The following UGT1A10 variants were observed in gnomAD, a reference collection of about 807,000 sequenced individuals.
UGT1A10 encodes the protein UDP-glucuronosyltransferase 1A10.
In UGT1A10, 49 loss-of-function variants were observed where a neutral mutation model predicts 45.8. The ratio of observed to expected loss-of-function variants is 1.07; its 90% CI spans 0.85 to 1.36. The LOEUF is 1.36. Among genes scored for constraint, UGT1A10 ranks in the 40% most tolerant of loss-of-function variants. UGT1A10 has a pLI of 0.00. For missense variants in UGT1A10, 745 were observed against 668.6 expected (o/e 1.11, Z -1.26); for synonymous variants, 284 against 249.7 (o/e 1.14, Z -1.29).
Position 233,648,991 on chromosome 2 carries a change from G to A in UGT1A10, c.855+11614G>A, listed in dbSNP as rs981596980. Reference sequence around the variant, plus strand: ...GATGCCCAATATGATCTTCATTGGTGGTATCAACTGCAATCAGGGAAAGCC... The same window carrying A: ...GATGCCCAATATGATCTTCATTGGTAGTATCAACTGCAATCAGGGAAAGCC... On this transcript the variant is annotated intron_variant, in intron 1 of 4. Transcript: ENST00000344644. The A allele has an allele frequency of 5.5e-5, 78 of 1,409,066 alleles. No homozygotes were observed. In the African/African-American group the frequency reaches 9.7e-4, roughly 17 times the overall value. 87.3% of individuals were successfully genotyped at this position (1,409,066 alleles called of 1,614,324 possible).
At chr2:233,655,052 G>T (rs1285016122) in intron 1 of UGT1A10, among the ~76,000 whole-genome samples, 4 of 151,952 alleles carry the variant, frequency 2.6e-5, no homozygotes, top group Admixed American at 2.6e-4. Flanking sequence ...TCATACCACT[G>T]CACTCCAGCC....
At chr2:233,654,174 C>G (rs2073802427) in intron 1 of UGT1A10, among the ~76,000 whole-genome samples, 1 of 151,908 alleles carries the variant, frequency 6.6e-6, no homozygotes, top group Non-Finnish European at 1.5e-5. Flanking sequence ...GTGAAAAAAC[C>G]TAAAAAGAAG....
chr2:233,713,876 T>C (rs768644930), intron 1 of UGT1A10: 295 of 1,613,474 alleles, frequency 1.8e-4, no homozygotes, highest in Middle Eastern at 5.2e-4. Flanking sequence ...TTGGTGCCTT[T>C]ATCCAATCAA....
At chr2:233,735,436 C>T (rs1234543811) in intron 1 of UGT1A10, among the ~76,000 whole-genome samples, 1 of 152,154 alleles carries the variant, frequency 6.6e-6, no homozygotes, top group Non-Finnish European at 1.5e-5. Flanking sequence ...CTGAATACAG[C>T]ATACCGATGG....
At position 233,672,146 on chromosome 2, in the gene UGT1A10, A is replaced by G. The variant is rs527774940; in HGVS notation, c.855+34769A>G. 86 of 1,614,186 alleles carry G rather than the reference A, an allele frequency of 5.3e-5. 1 individual carries two copies. In the East Asian group the frequency reaches 1.9e-3, roughly 36 times the overall value. ...AGTTGGCAACTGGGAAGATCACTGA[A>G]TTGCACAGTGAAGACTTATTCAACT... On this transcript the variant is annotated intron_variant, in intron 1 of 4. Coordinates refer to ENST00000344644, the MANE Select transcript of UGT1A10 (RefSeq NM_019075.4).
At chr2:233,661,546 T>C (rs2073962962) in intron 1 of UGT1A10, among the ~76,000 whole-genome samples, 1 of 152,158 alleles carries the variant, frequency 6.6e-6, no homozygotes, top group East Asian at 1.9e-4. Context: ...GCATTTTTAA[T>C]ATGAGATAAA....
chr2:233,724,187 G>A (rs1459882110), intron 1 of UGT1A10, among the ~76,000 whole-genome samples: 4 of 123,398 alleles, frequency 3.2e-5, no homozygotes, highest in Admixed American at 7.5e-5. Context: ...CCTCCCGGAC[G>A]GGGTGGCTGG....
At chr2:233,638,923 G>A (rs994805928) in intron 1 of UGT1A10, among the ~76,000 whole-genome samples, 1 of 152,208 alleles carries the variant, frequency 6.6e-6, no homozygotes, top group Non-Finnish European at 1.5e-5. Context: ...GACTCTAAGA[G>A]GTTGGACTTA....
Position 233,719,236 on chromosome 2 carries a change from G to C in UGT1A10, c.856-47798G>C, listed in dbSNP as rs766129715. The C allele has an allele frequency of 2.5e-5, 41 of 1,614,064 alleles. 1 individual carries two copies. The South Asian group carries it at 4.4e-4, about 17-fold the overall frequency. On this transcript the variant is annotated intron_variant, in intron 1 of 4. Transcript: ENST00000344644. ...CTACTGCATAATGAGGCCCTGATCA[G>C]GCACCTGAATGCTACTTCCTTTGAT...
At chr2:233,686,719 A>G (rs895318622) in intron 1 of UGT1A10, among the ~76,000 whole-genome samples, 1 of 152,212 alleles carries the variant, frequency 6.6e-6, no homozygotes, top group African/African-American at 2.4e-5. Flanking sequence ...CCCACCGGCT[A>G]TGAAGGTCAA....
intron 1 of UGT1A10, chr2:233,713,775 G>T: frequency 6.2e-7 from 1 of 1,614,026 alleles, no homozygotes; most frequent in Non-Finnish European, 8.5e-7. Flanking sequence ...AGGGGACTTT[G>T]TGATGGATTA....
At chr2:233,658,480 G>A (rs1030699732) in intron 1 of UGT1A10, among the ~76,000 whole-genome samples, 4 of 152,160 alleles carry the variant, frequency 2.6e-5, no homozygotes, top group African/African-American at 4.8e-5. Flanking sequence ...GATACCAAAT[G>A]ACATTTAGCC....
chr2:233,712,370 T>G (rs1029561273), intron 1 of UGT1A10, among the ~76,000 whole-genome samples: 3 of 152,206 alleles, frequency 2.0e-5, no homozygotes, highest in African/African-American at 7.2e-5. Flanking sequence ...CCTGCAGCTT[T>G]TTTTATATTG....
chr2:233,762,954 A>G (rs1248639717), intron 1 of UGT1A10, among the ~76,000 whole-genome samples: 1 of 152,252 alleles, frequency 6.6e-6, no homozygotes, highest in Admixed American at 6.5e-5. Context: ...TTCTGGCAAT[A>G]GGAAAGATGC....
chr2:233,722,328 T>C (rs2077007170), intron 1 of UGT1A10, among the ~76,000 whole-genome samples: 1 of 152,230 alleles, frequency 6.6e-6, no homozygotes, highest in African/African-American at 2.4e-5. Flanking sequence ...GGTTGACCCT[T>C]AGATTTGAAA....
At chr2:233,735,095 T>A (rs2078606910) in intron 1 of UGT1A10, among the ~76,000 whole-genome samples, 2 of 152,186 alleles carry the variant, frequency 1.3e-5, no homozygotes, top group South Asian at 4.1e-4. Context: ...TGTTGAACTG[T>A]CTAATATCGA....
At chr2:233,708,113 A>G (rs956994077) in intron 1 of UGT1A10, among the ~76,000 whole-genome samples, 2 of 152,226 alleles carry the variant, frequency 1.3e-5, no homozygotes, top group African/African-American at 4.8e-5. Context: ...ACATCTTAGT[A>G]TATGACTCAC....
At chr2:233,746,512 G>C (rs992094720) in intron 1 of UGT1A10, among the ~76,000 whole-genome samples, 1 of 151,736 alleles carries the variant, frequency 6.6e-6, no homozygotes, top group Non-Finnish European at 1.5e-5. Context: ...AGCCCCCAAA[G>C]CAAGACCATC....
chr2:233,657,178 T>G (rs1338988440), intron 1 of UGT1A10, among the ~76,000 whole-genome samples: 1 of 152,140 alleles, frequency 6.6e-6, no homozygotes, highest in Non-Finnish European at 1.5e-5. Flanking sequence ...GCTATCAAGG[T>G]CCCCCATCAT....
Sources: gnomAD v4.1 joint callset for allele counts (sites outside exome capture counted in the v4.1 genomes callset) on GRCh38, gnomAD v4.1.1 for gene constraint, MANE v1.5 for transcripts, NCBI Gene and HGNC (gene_info 2026-07-23, HGNC 2026-07-21) for gene names.